SESTD1: variants seen among roughly 807,000 people sequenced by gnomAD.
SESTD1 encodes the protein SEC14 domain and spectrin repeat-containing protein 1.
In SESTD1, 43 loss-of-function variants were observed where a neutral mutation model predicts 101.7. The observed-to-expected ratio is 0.42, with a 90% CI of 0.33 to 0.55. SESTD1 has a LOEUF of 0.55. Ranked by LOEUF, SESTD1 falls within the 20% of genes least tolerant of loss-of-function variation. The pLI is 0.07. For synonymous variants in SESTD1, 283 were observed against 286.8 expected (o/e 0.99, Z 0.13); for missense variants, 647 against 815.1 (o/e 0.79, Z 2.51).
At chr2:179,262,348 C>T (rs1254492145) in intron 1 of SESTD1, among the ~76,000 whole-genome samples, 1 of 152,110 alleles carries the variant, frequency 6.6e-6, no homozygotes, top group Non-Finnish European at 1.5e-5. Flanking sequence ...AATTCTATGG[C>T]ATATGAATTA....
chr2:179,133,998 T>C (rs988008102), intron 9 of SESTD1, among the ~76,000 whole-genome samples: 1 of 152,202 alleles, frequency 6.6e-6, no homozygotes, highest in Non-Finnish European at 1.5e-5. Context: ...AGCATCTGCA[T>C]TGTAGTAGAT....
At chr2:179,146,645 G>A (rs1275349356) in intron 7 of SESTD1, among the ~76,000 whole-genome samples, 188 bp from the exon 8 acceptor site, 4 of 152,172 alleles carry the variant, frequency 2.6e-5, no homozygotes, top group Non-Finnish European at 5.9e-5. Context: ...CTAGTAGCCA[G>A]AGAAATACCA....
intron 17 of SESTD1, 75 bp downstream of exon 17, chr2:179,112,649 T>A (rs558272280): frequency 6.9e-7 from 1 of 1,458,696 alleles, no homozygotes; most frequent in African/African-American, 1.4e-5. Context: ...TTTTAAAGAA[T>A]AGATTTCCTC....
rs969085002 is a variant in SESTD1, at chr2:179,105,039, G to A, written c.*4860C>T. ...CTCCCCTGTATTTATGCCAGCTCAC[G>A]GAGTGTCCTTAGTTCTATGCCTCTA... On this transcript the variant is annotated 3_prime_UTR_variant, in exon 18 of 18. Coordinates refer to ENST00000428443, the MANE Select transcript of SESTD1 (RefSeq NM_178123.5). 1 of 151,976 alleles carries A rather than the reference G, an allele frequency of 6.6e-6. No individual in the cohort carries two copies. The highest frequency in any genetic ancestry group is 2.4e-5 in the African/African-American group (1 of 41,362). 9.4% of individuals were successfully genotyped at this position (151,976 alleles called of 1,614,324 possible).
intron 1 of SESTD1, among the ~76,000 whole-genome samples, chr2:179,211,861 G>C (rs2046655399): frequency 7.6e-6 from 1 of 132,410 alleles, no homozygotes; most frequent in Non-Finnish European, 1.6e-5. Flanking sequence ...TCAGGGGGAA[G>C]GGTGGGAGGG....
At chr2:179,161,843 T>G (rs1280292226) in intron 5 of SESTD1, among the ~76,000 whole-genome samples, 2 of 152,178 alleles carry the variant, frequency 1.3e-5, no homozygotes, top group Non-Finnish European at 2.9e-5. Context: ...GACTGGTAGA[T>G]AACTCTTTGA....
At chr2:179,154,846 T>C (rs1160071188) in intron 5 of SESTD1, among the ~76,000 whole-genome samples, 1 of 152,294 alleles carries the variant, frequency 6.6e-6, no homozygotes, top group East Asian at 1.9e-4. Context: ...CAAGCAAGTA[T>C]GAAATATTTT....
intron 7 of SESTD1, among the ~76,000 whole-genome samples, chr2:179,147,357 G>GT (rs1293179777): frequency 1.7e-4 from 24 of 142,262 alleles, no homozygotes; most frequent in Middle Eastern, 3.6e-3. Flanking sequence ...AGATATGTTT[G>GT]TTTTTTTGTT....
At chr2:179,253,014 A>C (rs886565941) in intron 1 of SESTD1, among the ~76,000 whole-genome samples, 2 of 152,160 alleles carry the variant, frequency 1.3e-5, no homozygotes, top group African/African-American at 4.8e-5. Context: ...ATGAATTATA[A>C]AAGTCTGGGG....
chr2:179,221,526 T>C (rs2046814829), intron 1 of SESTD1, among the ~76,000 whole-genome samples: 2 of 150,130 alleles, frequency 1.3e-5, no homozygotes, highest in South Asian at 4.2e-4. Flanking sequence ...GGCAGGAGAA[T>C]CGCTTGAAGC....
intron 2 of SESTD1, among the ~76,000 whole-genome samples, chr2:179,189,603 T>A (rs12622434): frequency 0.011 from 1,749 of 152,140 alleles, 29 homozygotes; most frequent in African/African-American, 0.037. Context: ...ATAAAAGGCA[T>A]AGAATTAGAA....
Position 179,183,173 on chromosome 2 carries a change from C to A in SESTD1, c.71G>T (p.Arg24Leu). The change falls in exon 3 of 18, where the codon CGG (arginine) becomes CTG (leucine). Residue 24 changes from arginine to leucine, a missense_variant. Coordinates refer to ENST00000428443, the MANE Select transcript of SESTD1 (RefSeq NM_178123.5). ...LAFLSGGKDR[R>L]SGLILTIPLC... ...TGGAATTGTCAAAATGAGGCCACTCCGTCTGTCTTTTCCTCCTATTAAAAA... is the reference window on the plus strand; with the variant it reads ...TGGAATTGTCAAAATGAGGCCACTCAGTCTGTCTTTTCCTCCTATTAAAAA... 6.2e-7 allele frequency: 1 copy of A among 1,609,598 alleles called. No homozygotes were observed. The highest frequency in any genetic ancestry group is 2.2e-5 in the East Asian group (1 of 44,680).
chr2:179,161,615 T>A (rs1361095771), intron 5 of SESTD1, among the ~76,000 whole-genome samples: 1 of 147,414 alleles, frequency 6.8e-6, no homozygotes, highest in Non-Finnish European at 1.5e-5. Flanking sequence ...GGAGCCGAGA[T>A]CACGCCACTG....
At chr2:179,183,247 A>T in intron 2 of SESTD1, 59 bp from the exon 3 acceptor site, 1 of 1,069,702 alleles carries the variant, frequency 9.3e-7, no homozygotes, top group Middle Eastern at 2.2e-4. Flanking sequence ...AATCTGAATA[A>T]TATACATTTG....
Position 179,176,313 on chromosome 2 carries a change from A to G in SESTD1, c.255+135T>C, listed in dbSNP as rs1575462877. 12 of 656,272 alleles carry G rather than the reference A, an allele frequency of 1.8e-5. No homozygotes were observed. The East Asian group carries it at 2.5e-4, about 13-fold the overall frequency. The allele number at this position is 656,272 out of a possible 1,614,324, so 40.7% of individuals were successfully genotyped here. On this transcript the variant is annotated intron_variant, in intron 4 of 17. Coordinates refer to ENST00000428443, the MANE Select transcript of SESTD1 (RefSeq NM_178123.5). ...GTTGAATTTGAACAATCCAATAGTG[A>G]TAAGTGCATTTTCACAACTCAGTCA...
chr2:179,249,860 ATGG>A (rs1318309017), intron 1 of SESTD1, among the ~76,000 whole-genome samples: 1 of 150,162 alleles, frequency 6.7e-6, no homozygotes, highest in Non-Finnish European at 1.5e-5. Context: ...TTTCCTACAA[ATGG>A]TGGTAGAGCA....
chr2:179,116,883 TAATA>T, intron 14 of SESTD1, 93 bp from the exon 15 acceptor site: 2 of 1,472,094 alleles, frequency 1.4e-6, no homozygotes, highest in East Asian at 2.3e-5. Context: ...ATCATGTGAT[TAATA>T]AATCCGTTAA....
Position 179,183,261 on chromosome 2 carries a change from C to A in SESTD1, c.56-73G>T, listed in dbSNP as rs944738072. The A allele has an allele frequency of 3.5e-6, 3 of 862,926 alleles. 1 individual carries two copies. Among genetic ancestry groups the A allele is most frequent in the South Asian group, 2.3e-5 (1 of 43,790 alleles). The allele number at this position is 862,926 out of a possible 1,614,324, so 53.5% of individuals were successfully genotyped here. A position where few individuals can be genotyped will look rare whatever the true frequency, so the allele number is the denominator to read the frequency against. On this transcript the variant is annotated intron_variant, in intron 2 of 17. Coordinates refer to ENST00000428443, the MANE Select transcript of SESTD1 (RefSeq NM_178123.5). ...TAATCTGAATAATATACATTTGAAT[C>A]CAATCTTACTAAAATAATGATAAGT...
rs1286474735 is a variant in SESTD1 at position 179,108,195 on chromosome 2, G to C, written c.*1704C>G. 1.3e-5 allele frequency: 2 copies of C among 152,172 alleles called. No individual in the cohort carries two copies. The highest frequency in any genetic ancestry group is 2.4e-5 in the African/African-American group (1 of 41,454). 9.4% of individuals were successfully genotyped at this position (152,172 alleles called of 1,614,324 possible). A position where few individuals can be genotyped will look rare whatever the true frequency, so the allele number is the denominator to read the frequency against. The stretch of plus-strand genomic sequence containing the variant: ...TATAAAATAAAAACTCTAAGGATGA[G>C]ATACCGAGAAAAGAGCCAAAAGCAT... On this transcript the variant is annotated 3_prime_UTR_variant, in exon 18 of 18. Transcript: ENST00000428443.
Sources: allele counts gnomAD v4.1 joint callset (sites outside exome capture counted in the v4.1 genomes callset), GRCh38; gene constraint gnomAD v4.1.1; transcripts MANE v1.5; gene names NCBI Gene and HGNC (gene_info 2026-07-23, HGNC 2026-07-21).